TFB1M: variants seen among roughly 807,000 people sequenced by gnomAD.
TFB1M encodes dimethyladenosine transferase 1, mitochondrial.
A neutral mutation model predicts 31.1 loss-of-function variants in TFB1M; 27 were observed. That is an observed-to-expected ratio of 0.87 (90% CI 0.64 to 1.20). The LOEUF (loss-of-function observed/expected upper bound fraction) is 1.20, where lower values mean the gene tolerates loss of function less well. TFB1M is among the 50% of genes most tolerant of loss of function. TFB1M has a pLI of 0.00. For missense variants in TFB1M, 394 were observed against 418.7 expected, an observed-to-expected ratio of 0.94 and a Z score of 0.51; for synonymous variants, 166 against 151.8, an observed-to-expected ratio of 1.09 and a Z score of -0.69.
intron 5 of TFB1M, among the ~76,000 whole-genome samples, chr6:155,280,656 C>T (rs998055511): frequency 9.2e-5 from 14 of 152,282 alleles, no homozygotes; most frequent in Admixed American, 7.2e-4. Flanking sequence ...TAGGAAAACA[C>T]TAGTGTTCTG....
chr6:155,245,845 G>A, the TFB1M span: 2 of 680,770 alleles, frequency 2.9e-6, no homozygotes, highest in Non-Finnish European at 4.7e-6. Context: ...ATGTATTAAG[G>A]TCCATCCTTG....
rs780081320 is a variant in TFB1M, at chr6:155,257,020, G to A, written c.*816C>T. The A allele has an allele frequency of 8.1e-6, 13 of 1,614,100 alleles. No individual in the cohort carries two copies. The highest frequency in any genetic ancestry group is 6.6e-5 in the South Asian group (6 of 91,060). ...CAGTCAGTCTGAAAATGCCACCATCGACCTAAATTCTGTTCTAGAGCGAGA... is the reference window on the plus strand; with the variant it reads ...CAGTCAGTCTGAAAATGCCACCATCAACCTAAATTCTGTTCTAGAGCGAGA... On this transcript the variant is annotated 3_prime_UTR_variant, in exon 7 of 7. Coordinates refer to ENST00000367166, the MANE Select transcript of TFB1M (RefSeq NM_016020.4).
At chr6:155,302,991 G>A (rs1777504706) in intron 2 of TFB1M, among the ~76,000 whole-genome samples, 2 of 152,174 alleles carry the variant, frequency 1.3e-5, no homozygotes, top group South Asian at 4.1e-4. Context: ...GATCTCGTGA[G>A]AGCTCACTGA....
At position 155,314,414 on chromosome 6, in the gene TFB1M, T is replaced by C. The variant is rs1419910503; in HGVS notation, c.15A>G (p.Gly5=). The C allele has an allele frequency of 7.4e-6, 12 of 1,614,092 alleles. No homozygotes were observed. The highest frequency in any genetic ancestry group is 3.3e-5 in the Admixed American group (2 of 60,016). The part of the protein sequence containing the change: MAAS[G]KLSTCRLPPL... ...GAGGGAGACGGCAAGTGCTGAGTTTTCCGGAGGCAGCCATGATACGCGGCA... is the reference window on the plus strand; with the variant it reads ...GAGGGAGACGGCAAGTGCTGAGTTTCCCGGAGGCAGCCATGATACGCGGCA... The change falls in exon 1 of 7, where the codon GGA becomes GGG. Residue 5 remains glycine (G), a synonymous_variant. Transcript: ENST00000367166.
At chr6:155,231,331 G>A in the TFB1M span, among the ~76,000 whole-genome samples, 1 of 152,188 alleles carries the variant, frequency 6.6e-6, no homozygotes, top group East Asian at 1.9e-4. Flanking sequence ...GAACTGTCTA[G>A]TCTAGAAGAC....
chr6:155,299,986 G>A (rs1777353324), intron 2 of TFB1M, among the ~76,000 whole-genome samples: 1 of 152,098 alleles, frequency 6.6e-6, no homozygotes, highest in Non-Finnish European at 1.5e-5. Context: ...TACCTTTATA[G>A]CCCCTGTAGC....
chr6:155,260,485 G>A (rs912721), intron 5 of TFB1M, 85 bp from the exon 6 acceptor site: 998,948 of 1,573,204 alleles, frequency 0.63, 322,497 homozygotes, highest in East Asian at 0.98. Flanking sequence ...TAAAACAGGA[G>A]GATGGGCTGT....
chr6:155,250,474 C>A, the TFB1M span: 3 of 1,364,136 alleles, frequency 2.2e-6, no homozygotes, highest in African/African-American at 2.9e-5. Flanking sequence ...ATGGCAGGAA[C>A]AGGAAAGGAC....
At chr6:155,298,408 C>T (rs1777275978) in intron 3 of TFB1M, 69 bp downstream of exon 3, 1 of 820,216 alleles carries the variant, frequency 1.2e-6, no homozygotes, top group Non-Finnish European at 2.1e-6. Context: ...ATAAATGTAT[C>T]ATAAAATGAA....
At chr6:155,280,105 C>T (rs117408855) in intron 5 of TFB1M, among the ~76,000 whole-genome samples, 1,900 of 152,124 alleles carry the variant, frequency 0.012, 15 homozygotes, top group Non-Finnish European at 0.02. Context: ...ATTAAATGTT[C>T]CTGGTTGAAG....
chr6:155,283,131 T>G (rs1175087947), intron 5 of TFB1M, among the ~76,000 whole-genome samples: 1 of 152,252 alleles, frequency 6.6e-6, no homozygotes, highest in Non-Finnish European at 1.5e-5. Flanking sequence ...GTAAAACTAC[T>G]TCAAAGCAGC....
chr6:155,269,617 C>A (rs184676334), intron 5 of TFB1M, among the ~76,000 whole-genome samples: 1 of 152,234 alleles, frequency 6.6e-6, no homozygotes, highest in African/African-American at 2.4e-5. Flanking sequence ...CCACCACGCC[C>A]GGCCAGTTTT....
chr6:155,249,843 T>C, the TFB1M span: 6 of 1,598,322 alleles, frequency 3.8e-6, no homozygotes, highest in African/African-American at 8.1e-5. Flanking sequence ...TGATTTCATA[T>C]CTTGCAGAAG....
Position 155,257,206 on chromosome 6 carries a change from A to C in TFB1M, c.*630T>G, listed in dbSNP as rs1043631277. Reference sequence around the variant, plus strand: ...TGGAAATTGCAAAAAAAAAAAAAAAAAAAAACTGTTCATTCCTGGGTTTTG... The same window carrying C: ...TGGAAATTGCAAAAAAAAAAAAAAACAAAAACTGTTCATTCCTGGGTTTTG... On this transcript the variant is annotated 3_prime_UTR_variant, in exon 7 of 7. Transcript: ENST00000367166. 1.3e-4 allele frequency: 184 copies of C among 1,404,956 alleles called. 3 individuals carry two copies. In the East Asian group the frequency reaches 3.9e-3, roughly 30 times the overall value. The allele number at this position is 1,404,956 out of a possible 1,614,324, so 87.0% of individuals were successfully genotyped here.
At chr6:155,262,461 C>T (rs1409616905) in intron 5 of TFB1M, among the ~76,000 whole-genome samples, 3 of 152,194 alleles carry the variant, frequency 2.0e-5, no homozygotes, top group Admixed American at 2.0e-4. Context: ...CCCTGAGCTT[C>T]CTGGCACCCT....
chr6:155,276,167 C>A, intron 5 of TFB1M: 10 of 1,614,134 alleles, frequency 6.2e-6, no homozygotes, highest in African/African-American at 1.3e-5. Context: ...CTTTCTGGAT[C>A]TGACAGTTCC....
At chr6:155,253,003 G>A (rs374216272), downstream of TFB1M, 11 of 1,613,990 alleles carry the variant, frequency 6.8e-6, no homozygotes, top group Middle Eastern at 1.6e-4. Context: ...TTTAAATTCC[G>A]CTGGTTGATC....
the TFB1M span, chr6:155,244,598 A>T: frequency 6.3e-7 from 1 of 1,574,990 alleles, no homozygotes; most frequent in Middle Eastern, 1.7e-4. Context: ...CCTAAGAGTT[A>T]GCGTGGTGTC....
intron 2 of TFB1M, chr6:155,310,947 A>G: frequency 1.9e-6 from 1 of 529,592 alleles, no homozygotes; most frequent in East Asian, 3.2e-5. Context: ...TGTTTAGCAT[A>G]AATGCTTAAA....
Sources: gnomAD v4.1 joint callset for allele counts (sites outside exome capture counted in the v4.1 genomes callset) on GRCh38, gnomAD v4.1.1 for gene constraint, MANE v1.5 for transcripts, NCBI Gene and HGNC (gene_info 2026-07-23, HGNC 2026-07-21) for gene names.